KAZN: variants seen among roughly 807,000 people sequenced by gnomAD.
KAZN encodes kazrin.
In KAZN, 40 loss-of-function variants were observed where a neutral mutation model predicts 87.4. That is an observed-to-expected ratio of 0.46 (90% CI 0.36 to 0.60). The LOEUF (loss-of-function observed/expected upper bound fraction) is 0.60, where lower values mean the gene tolerates loss of function less well. KAZN is among the 20% of genes least tolerant of loss of function. KAZN has a pLI of 0.00. For synonymous variants in KAZN, 466 were observed against 458.3 expected (o/e 1.02, Z -0.22); for missense variants, 898 against 1,073.9 (o/e 0.84, Z 2.29).
At chr1:14,262,632 A>C (rs7542111) in intron 2 of KAZN, among the ~76,000 whole-genome samples, 84,244 of 152,078 alleles carry the variant, frequency 0.55, 25,732 homozygotes, top group Non-Finnish European at 0.7. Context: ...AAGGACCCCC[A>C]TGATAAAACC....
intron 1 of KAZN, among the ~76,000 whole-genome samples, chr1:14,833,245 C>A (rs1647103653): frequency 6.6e-6 from 1 of 151,802 alleles, no homozygotes; most frequent in Admixed American, 6.6e-5. Flanking sequence ...TAGCAGACAG[C>A]AGGTATCCAT....
intron 1 of KAZN, among the ~76,000 whole-genome samples, chr1:14,059,647 A>G (rs2101508252): frequency 6.6e-6 from 1 of 152,350 alleles, no homozygotes; most frequent in African/African-American, 2.4e-5. Context: ...CTATCTAGGC[A>G]TCCTGCAATC....
chr1:14,821,849 C>G (rs1172254656), intron 1 of KAZN, among the ~76,000 whole-genome samples: 1 of 152,152 alleles, frequency 6.6e-6, no homozygotes, highest in Non-Finnish European at 1.5e-5. Flanking sequence ...AATATTGAGG[C>G]CCATGGAGGG....
chr1:14,321,366 C>T (rs188276511), intron 2 of KAZN, among the ~76,000 whole-genome samples: 12 of 152,260 alleles, frequency 7.9e-5, no homozygotes, highest in East Asian at 5.8e-4. Context: ...GAAGTCACTT[C>T]GCCCAGTCTC....
intron 1 of KAZN, among the ~76,000 whole-genome samples, chr1:14,938,322 A>T (rs191394463): frequency 6.6e-6 from 1 of 152,294 alleles, no homozygotes; most frequent in African/African-American, 2.4e-5. Context: ...CAGGCGGATC[A>T]CCTGAGGTCA....
intron 2 of KAZN, among the ~76,000 whole-genome samples, chr1:14,355,833 A>C (rs1345952162): frequency 6.6e-6 from 1 of 152,108 alleles, no homozygotes; most frequent in African/African-American, 2.4e-5. Flanking sequence ...TCTATCATTG[A>C]TGGGCATTTG....
intron 13 of KAZN, among the ~76,000 whole-genome samples, chr1:15,110,491 A>G (rs61784326): frequency 0.79 from 110,441 of 139,962 alleles, 40,793 homozygotes; most frequent in East Asian, 0.97. Context: ...TTGTGTGTGT[A>G]TGTATGTGTG....
At chr1:14,313,054 A>G (rs1655410275) in intron 2 of KAZN, among the ~76,000 whole-genome samples, 1 of 152,196 alleles carries the variant, frequency 6.6e-6, no homozygotes. Flanking sequence ...TAGATAACTA[A>G]TACAACATGC....
At chr1:14,173,755 A>G (rs1472254297) in intron 1 of KAZN, among the ~76,000 whole-genome samples, 1 of 149,168 alleles carries the variant, frequency 6.7e-6, no homozygotes, top group Non-Finnish European at 1.5e-5. Context: ...CATTTGGTTC[A>G]CATGTCCTTT....
At chr1:14,214,041 T>C (rs1646908976) in intron 2 of KAZN, among the ~76,000 whole-genome samples, 1 of 152,154 alleles carries the variant, frequency 6.6e-6, no homozygotes, top group South Asian at 2.1e-4. Flanking sequence ...AATGCCAAGT[T>C]TGAGGTGCCT....
At chr1:14,190,369 G>A (rs183010803) in intron 2 of KAZN, among the ~76,000 whole-genome samples, 2 of 152,204 alleles carry the variant, frequency 1.3e-5, no homozygotes, top group South Asian at 2.1e-4. Flanking sequence ...TGTGAGGGAC[G>A]TGGGATTTTC....
chr1:14,829,535 A>G (rs563702999), intron 1 of KAZN, among the ~76,000 whole-genome samples: 1 of 152,192 alleles, frequency 6.6e-6, no homozygotes, highest in East Asian at 1.9e-4. Context: ...GTGCCGCTGT[A>G]CTCCAGCCTG....
intron 8 of KAZN, among the ~76,000 whole-genome samples, chr1:15,087,088 C>A (rs1640292356): frequency 6.6e-6 from 1 of 152,198 alleles, no homozygotes; most frequent in African/African-American, 2.4e-5. Context: ...AACTTCCAAA[C>A]CAACGGAGGG....
At position 14,996,829 on chromosome 1, in the gene KAZN, G is replaced by A. The variant is rs1667918556; in HGVS notation, c.418+35954G>A. ...CCTGGTGCTCCAGGGCCTGCATGTG[G>A]GGCACTGGGAGGGAGGGCCGTTTGC... On this transcript the variant is annotated intron_variant, in intron 2 of 14. Transcript: ENST00000376030. The surrounding 1 kb of genome is among the most constrained non-coding windows in gnomAD (Gnocchi z 5.9). Among the ~76,000 whole-genome samples, 1 of 152,302 alleles carries A rather than the reference G, an allele frequency of 6.6e-6. No individual in the cohort carries two copies. The highest frequency in any genetic ancestry group is 2.4e-5 in the African/African-American group (1 of 41,566).
At chr1:14,369,644 A>G (rs906850370) in intron 2 of KAZN, among the ~76,000 whole-genome samples, 25 of 152,058 alleles carry the variant, frequency 1.6e-4, no homozygotes, top group African/African-American at 4.8e-4. Flanking sequence ...CTTGTTTAAC[A>G]AAGACACAGC....
In KAZN at chr1:15,056,675, CT is replaced by C. The variant is rs1312668065; in HGVS notation, c.916+396del. Reference sequence around the variant, plus strand: ...CCATAGCAAATCCCAAAGAAAGACTCTGATTGGCCACATCAGAGTCACATGG... The same window carrying C: ...CCATAGCAAATCCCAAAGAAAGACTCGATTGGCCACATCAGAGTCACATGG... On this transcript the variant is annotated intron_variant, in intron 5 of 14. Transcript: ENST00000376030. The surrounding 1 kb of genome is among the most constrained non-coding windows in gnomAD (Gnocchi z 5.4). Among the ~76,000 whole-genome samples, 10 of 152,230 alleles carry C rather than the reference CT, an allele frequency of 6.6e-5. No individual in the cohort carries two copies.
intron 1 of KAZN, among the ~76,000 whole-genome samples, chr1:14,039,126 G>T (rs369056323): frequency 6.7e-6 from 1 of 150,202 alleles, no homozygotes; most frequent in Non-Finnish European, 1.5e-5. Flanking sequence ...AGCCAAGATC[G>T]TGCCACTGCA....
intron 1 of KAZN, among the ~76,000 whole-genome samples, chr1:14,109,049 T>C (rs1274981116): frequency 6.6e-6 from 1 of 152,144 alleles, no homozygotes; most frequent in Non-Finnish European, 1.5e-5. Context: ...TGTGAATCAG[T>C]CATAGCCCAT....
chr1:14,178,059 T>C (rs1228916795), intron 1 of KAZN, among the ~76,000 whole-genome samples: 1 of 152,096 alleles, frequency 6.6e-6, no homozygotes, highest in African/African-American at 2.4e-5. Context: ...GCTGTTCTTA[T>C]GATAATGAGT....
Sources: gnomAD v4.1 joint callset for allele counts (sites outside exome capture counted in the v4.1 genomes callset) on GRCh38, gnomAD v4.1.1 for gene constraint, Gnocchi (gnomAD v3.1) non-coding constraint, MANE v1.5 for transcripts, NCBI Gene and HGNC (gene_info 2026-07-23, HGNC 2026-07-21) for gene names.